The following CDC42BPA variants were observed in gnomAD, a reference collection of about 807,000 sequenced individuals.
CDC42BPA encodes CDC42 binding protein kinase alpha.
In CDC42BPA, 80 loss-of-function variants were observed where a neutral mutation model predicts 223.5. That is an observed-to-expected ratio of 0.36 (90% CI 0.30 to 0.43). CDC42BPA has a LOEUF of 0.43. CDC42BPA is among the 20% of genes least tolerant of loss of function. CDC42BPA has a pLI of 1.00. For synonymous variants in CDC42BPA, 694 were observed against 718.6 expected, an observed-to-expected ratio of 0.97 and a Z score of 0.55; for missense variants, 1,743 against 2,099.9, an observed-to-expected ratio of 0.83 and a Z score of 3.32.
rs772938326 is a variant in CDC42BPA, at chr1:227,040,200, T to G, written c.3130A>C (p.Thr1044Pro). 6.2e-7 allele frequency: 1 copy of G among 1,612,864 alleles called. No homozygotes were observed. Among genetic ancestry groups the G allele is most frequent in the Admixed American group, 1.7e-5 (1 of 59,984 alleles). The change falls in exon 24 of 37, where the codon ACT becomes CCT. Residue 1044 changes from threonine (T) to proline (P), a missense_variant. Coordinates refer to ENST00000366766, the MANE Select transcript of CDC42BPA (RefSeq NM_001394014.1). ...GTACACTGATGACACTTGGTAGGAG[T>G]AGTAAAAGATTTTACAAAAAACTGG... ...THQFFVKSFT[T>P]PTKCHQCTSL...
At chr1:227,089,428 T>C (rs1297964281) in intron 16 of CDC42BPA, among the ~76,000 whole-genome samples, 1 of 152,120 alleles carries the variant, frequency 6.6e-6, no homozygotes, top group Non-Finnish European at 1.5e-5. Flanking sequence ...AAGAGAGAGA[T>C]GCAAAAATTG....
rs1182353682 is a variant in CDC42BPA, at chr1:227,129,135, A to G, written c.1487T>C (p.Ile496Thr). 5 of 1,487,220 alleles carry G rather than the reference A, an allele frequency of 3.4e-6. No individual in the cohort carries two copies. The highest frequency in any genetic ancestry group is 1.8e-5 in the Admixed American group (1 of 56,496). 92.1% of individuals were successfully genotyped at this position (1,487,220 alleles called of 1,614,324 possible). A position where few individuals can be genotyped will look rare whatever the true frequency, so the allele number is the denominator to read the frequency against. ...TGTTACTTGTTTTCTTAGTTTTTCA[A>G]TTTCTTCTTTTAAGTTTTTTATTTC... is the stretch of plus-strand genomic sequence containing the variant. The part of the protein sequence containing the change: ...DLEIKNLKEE[I>T]EKLRKQVTES... The change falls in exon 11 of 37, where the codon ATT (isoleucine) becomes ACT (threonine). Residue 496 changes from isoleucine to threonine, a missense_variant. This residue lies in a region of CDC42BPA where 464 missense variants were observed against 488.0 expected (regional missense o/e 0.95). Coordinates refer to ENST00000366766, the MANE Select transcript of CDC42BPA (RefSeq NM_001394014.1).
chr1:227,250,591 G>A (rs916018501), intron 2 of CDC42BPA, among the ~76,000 whole-genome samples: 3 of 151,918 alleles, frequency 2.0e-5, no homozygotes, highest in East Asian at 1.9e-4. Flanking sequence ...AAAATCCATC[G>A]AGTTATATGT....
intron 4 of CDC42BPA, among the ~76,000 whole-genome samples, chr1:227,197,230 TC>T (rs1201789823): frequency 6.6e-6 from 1 of 152,124 alleles, no homozygotes; most frequent in Non-Finnish European, 1.5e-5. Context: ...TAATAAAATT[TC>T]CTTTTTTGGT....
At chr1:227,024,125 T>C (rs1667837855) in intron 31 of CDC42BPA, among the ~76,000 whole-genome samples, 1 of 151,986 alleles carries the variant, frequency 6.6e-6, no homozygotes, top group African/African-American at 2.4e-5. Context: ...TTTCAATAAA[T>C]AAGAAAAATA....
chr1:227,116,277 G>A (rs1687763667), intron 12 of CDC42BPA, among the ~76,000 whole-genome samples: 1 of 152,132 alleles, frequency 6.6e-6, no homozygotes, highest in African/African-American at 2.4e-5. Flanking sequence ...TACAAACGTA[G>A]TTCACCACAC....
intron 31 of CDC42BPA, among the ~76,000 whole-genome samples, chr1:227,024,174 A>G (rs976457417): frequency 1.3e-5 from 2 of 152,228 alleles, no homozygotes; most frequent in African/African-American, 4.8e-5. Flanking sequence ...AAGCATGACC[A>G]GGCATTTTAT....
At chr1:227,204,351 G>A (rs4653804) in intron 3 of CDC42BPA, among the ~76,000 whole-genome samples, 104,477 of 151,902 alleles carry the variant, frequency 0.69, 36,112 homozygotes, top group South Asian at 0.73. Context: ...GGTAACATCC[G>A]CAACTGCCAA....
At chr1:227,172,927 C>A (rs1167889236) in intron 5 of CDC42BPA, among the ~76,000 whole-genome samples, 1 of 152,038 alleles carries the variant, frequency 6.6e-6, no homozygotes, top group African/African-American at 2.4e-5. Context: ...ACAGTATAGC[C>A]AATAGCATCT....
At chr1:227,052,594 T>C (rs898932266) in intron 21 of CDC42BPA, among the ~76,000 whole-genome samples, 3 of 152,190 alleles carry the variant, frequency 2.0e-5, no homozygotes, top group Non-Finnish European at 4.4e-5. Context: ...TTATGAACCA[T>C]ACTGATTGAA....
rs1047988470 is a variant in CDC42BPA at position 227,179,553 on chromosome 1, G to A, written c.599+14233C>T. On this transcript the variant is annotated intron_variant, in intron 5 of 36. Coordinates refer to ENST00000366766, the MANE Select transcript of CDC42BPA (RefSeq NM_001394014.1). ...CAGGAGGCTGAGGCAGGAGAATGGCGTCAACCCGGGAGGTGGAGCTTGCAG... is the reference window on the plus strand; with the variant it reads ...CAGGAGGCTGAGGCAGGAGAATGGCATCAACCCGGGAGGTGGAGCTTGCAG... Among the ~76,000 whole-genome samples, 4 of 129,822 alleles carry A rather than the reference G, an allele frequency of 3.1e-5. No homozygotes were observed. The East Asian group carries it at 7.7e-4, about 25-fold the overall frequency. 85.2% of individuals were successfully genotyped at this position (129,822 alleles called of 152,430 possible).
intron 16 of CDC42BPA, among the ~76,000 whole-genome samples, chr1:227,082,294 G>A (rs778035571): frequency 1.4e-4 from 22 of 151,988 alleles, no homozygotes; most frequent in Non-Finnish European, 2.5e-4. Flanking sequence ...CCATCTGCCC[G>A]CTGTGGCCTC....
intron 1 of CDC42BPA, among the ~76,000 whole-genome samples, chr1:227,290,967 A>G (rs1689592873): frequency 6.6e-6 from 1 of 152,174 alleles, no homozygotes; most frequent in Non-Finnish European, 1.5e-5. Flanking sequence ...TGTTGTCTAG[A>G]CAGAATCCAT....
rs201963139 is a variant in CDC42BPA, at chr1:226,994,841, C to T, written c.5115G>A (p.Ala1705=). 46 of 1,612,608 alleles carry T rather than the reference C, an allele frequency of 2.9e-5. No homozygotes were observed. The highest frequency in any genetic ancestry group is 5.0e-5 in the Admixed American group (3 of 59,846). Residue 1705 remains alanine, a synonymous_variant, in exon 36 of 37, where the codon GCG becomes GCA. Transcript: ENST00000366766. The surrounding 1 kb of genome is among the most constrained non-coding windows in gnomAD (Gnocchi z 4.0). The part of the protein sequence containing the change: ...GGMDQGSDAP[A]RDFDGEDSDS... ...CACTCACCTCTCCGTCAAAGTCCCT[C>T]GCTGGGGCATCACTTCCTTGGTCCA...
At chr1:227,310,188 T>C (rs1432752887) in intron 1 of CDC42BPA, among the ~76,000 whole-genome samples, 1 of 152,236 alleles carries the variant, frequency 6.6e-6, no homozygotes, top group East Asian at 1.9e-4. Context: ...GCCTATTCCA[T>C]AGTCAGATAA....
chr1:227,112,511 A>T (rs1687099584), intron 13 of CDC42BPA, 89 bp from the exon 14 acceptor site: 1 of 1,058,254 alleles, frequency 9.4e-7, no homozygotes, highest in Non-Finnish European at 1.3e-6. Flanking sequence ...ACCTTGTAAC[A>T]GGAAGATAAT....
chr1:227,314,741 CAAAT>C (rs1694090727), intron 1 of CDC42BPA, among the ~76,000 whole-genome samples: 1 of 127,730 alleles, frequency 7.8e-6, no homozygotes, highest in Non-Finnish European at 1.7e-5. Flanking sequence ...GTTCCTGTTG[CAAAT>C]AGTCTTTTAA....
intron 1 of CDC42BPA, among the ~76,000 whole-genome samples, chr1:227,261,262 C>A (rs750761215): frequency 8.0e-5 from 12 of 150,152 alleles, no homozygotes; most frequent in Non-Finnish European, 1.8e-4. Context: ...ATTACAGGTG[C>A]GTGCCACCAT....
At chr1:227,152,792 A>G (rs1330970453) in intron 6 of CDC42BPA, among the ~76,000 whole-genome samples, 2 of 152,164 alleles carry the variant, frequency 1.3e-5, no homozygotes, top group Non-Finnish European at 1.5e-5. Flanking sequence ...AACAAATGGG[A>G]AAAACATCAG....
Sources: gnomAD v4.1 joint callset for allele counts (sites outside exome capture counted in the v4.1 genomes callset) on GRCh38, gnomAD v4.1.1 for gene constraint, gnomAD v4.1.1 regional missense constraint, Gnocchi (gnomAD v3.1) non-coding constraint, MANE v1.5 for transcripts, NCBI Gene and HGNC (gene_info 2026-07-23, HGNC 2026-07-21) for gene names.